Variants in MACF1 observed in about 807,000 individuals in gnomAD.
The protein encoded by MACF1 is microtubule-actin cross-linking factor 1.
Under a neutral mutation model 854.8 loss-of-function variants are expected in MACF1, and 193 were observed. The observed-to-expected ratio is 0.23, with a 90% confidence interval of 0.20 to 0.25. The LOEUF is 0.25. Among genes scored for constraint, MACF1 ranks in the 10% least tolerant of loss-of-function variants. The pLI, the probability that MACF1 is intolerant of heterozygous loss-of-function variation, is 1.00. For synonymous variants in MACF1, 3,185 were observed against 3,226.7 expected (o/e 0.99, Z 0.44); for missense variants, 7,722 against 8,929.1 (o/e 0.86, Z 5.45).
intron 2 of MACF1, among the ~76,000 whole-genome samples, chr1:39,135,855 G>A (rs905526938): frequency 3.9e-5 from 6 of 152,138 alleles, no homozygotes; most frequent in African/African-American, 1.2e-4. Context: ...CTCCTACTAT[G>A]AATGGGATTC....
chr1:39,252,239 G>T (rs2148335141), intron 4 of MACF1, among the ~76,000 whole-genome samples: 1 of 152,300 alleles, frequency 6.6e-6, no homozygotes, highest in Non-Finnish European at 1.5e-5. Context: ...CTTTCTGGTG[G>T]CCTTGCTGTG....
chr1:39,174,587 A>G (rs982232034), intron 2 of MACF1, among the ~76,000 whole-genome samples: 9 of 152,178 alleles, frequency 5.9e-5, no homozygotes, highest in African/African-American at 1.9e-4. Context: ...TGGACGCATC[A>G]TAGAGGCTCA....
chr1:39,277,072 A>AT (rs1015291008), intron 6 of MACF1, among the ~76,000 whole-genome samples: 1 of 151,600 alleles, frequency 6.6e-6, no homozygotes, highest in Non-Finnish European at 1.5e-5. Context: ...TAACATTAAA[A>AT]TTTTTTTTTG....
chr1:39,221,766 T>A (rs1241558298), intron 1 of MACF1, among the ~76,000 whole-genome samples: 4 of 152,184 alleles, frequency 2.6e-5, no homozygotes, highest in Non-Finnish European at 5.9e-5. Flanking sequence ...CTGCCCTAAT[T>A]CATGCTATTT....
At chr1:39,346,068 GAAA>G (rs547745127) in intron 40 of MACF1, among the ~76,000 whole-genome samples, 1 of 121,432 alleles carries the variant, frequency 8.2e-6, no homozygotes, top group African/African-American at 3.0e-5. Context: ...GACTCTGTTT[GAAA>G]AAAAAAAAAA....
chr1:39,322,991 C>T lies in MACF1; in HGVS notation c.4219C>T (p.Arg1407Cys), dbSNP rs772861362. 8.7e-6 allele frequency: 14 copies of T among 1,613,900 alleles called. No individual in the cohort carries two copies. The highest frequency in any genetic ancestry group is 4.5e-5 in the East Asian group (2 of 44,906). The change falls in exon 33 of 101, where the codon CGT becomes TGT. Residue 1407 changes from arginine (R) to cysteine (C), a missense_variant. By Grantham distance (180) the Arg-to-Cys change is radical (BLOSUM62 -3). Around this residue, in one of 15 missense-constraint regions of MACF1, gnomAD observed 1,137 missense variants for 1,263.0 expected, o/e 0.90. Transcript: ENST00000564288. Reference sequence around the variant, plus strand: ...GAAATACATCAGTGATGCACTCCGGCGTCTGGAGGAGGAGGAGGTGAGGAC... The same window carrying T: ...GAAATACATCAGTGATGCACTCCGGTGTCTGGAGGAGGAGGAGGTGAGGAC... Reference protein sequence around the residue: ...HVKYISDALRRLEEEEKVVEE... With the variant: ...HVKYISDALRCLEEEEKVVEE...
chr1:39,109,538 G>T (rs1642339071), intron 2 of MACF1, among the ~76,000 whole-genome samples: 1 of 151,786 alleles, frequency 6.6e-6, no homozygotes, highest in Non-Finnish European at 1.5e-5. Flanking sequence ...GCCTCCCAAA[G>T]TGCTGGGATT....
chr1:39,313,141 G>A (rs1440681502), intron 26 of MACF1, among the ~76,000 whole-genome samples: 2 of 151,988 alleles, frequency 1.3e-5, no homozygotes, highest in Non-Finnish European at 2.9e-5. Flanking sequence ...TCTGTTTGTG[G>A]TTACCTGAGG....
At chr1:39,322,544 T>G in intron 31 of MACF1, 64 bp from the exon 32 acceptor site, 1 of 1,351,974 alleles carries the variant, frequency 7.4e-7, no homozygotes, top group Non-Finnish European at 1.1e-6. Flanking sequence ...AGCTATGATT[T>G]ATTACATGAT....
chr1:39,330,008 T>C (rs1371190872), intron 36 of MACF1, among the ~76,000 whole-genome samples: 2 of 152,256 alleles, frequency 1.3e-5, no homozygotes, highest in East Asian at 1.9e-4. Flanking sequence ...ACAAGTTACC[T>C]AAACTCTGTG....
intron 58 of MACF1, chr1:39,412,770 C>T: frequency 1.2e-6 from 2 of 1,612,870 alleles, no homozygotes; most frequent in Admixed American, 1.7e-5. Flanking sequence ...AGAGACCTTC[C>T]CGGACTGCTG....
At chr1:39,456,101 AG>A (rs530863536) in intron 89 of MACF1, among the ~76,000 whole-genome samples, 1 of 152,196 alleles carries the variant, frequency 6.6e-6, no homozygotes, top group Non-Finnish European at 1.5e-5. Flanking sequence ...TGGGAGGCCA[AG>A]GGGGGCAGAT....
intron 1 of MACF1, among the ~76,000 whole-genome samples, chr1:39,227,047 G>A (rs1292723168): frequency 3.9e-5 from 6 of 152,238 alleles, no homozygotes; most frequent in African/African-American, 1.2e-4. Flanking sequence ...TGATACTGGC[G>A]TGTTGTGATT....
At chr1:39,238,116 G>C (rs1019649307) in intron 2 of MACF1, among the ~76,000 whole-genome samples, 1 of 152,212 alleles carries the variant, frequency 6.6e-6, no homozygotes, top group African/African-American at 2.4e-5. Context: ...GGAGCACCGA[G>C]CTTTGACTGC....
intron 20 of MACF1, among the ~76,000 whole-genome samples, chr1:39,296,784 G>GGAAGGA (rs1557571347): frequency 2.8e-5 from 2 of 71,586 alleles, no homozygotes; most frequent in East Asian, 4.7e-4. Context: ...AAGAAAGAAA[G>GGAAGGA]AAAGAAAGGA....
intron 93 of MACF1, among the ~76,000 whole-genome samples, chr1:39,463,213 G>A (rs1375234057): frequency 2.0e-5 from 3 of 152,160 alleles, no homozygotes; most frequent in Admixed American, 1.3e-4. Context: ...TGAGCTGTGC[G>A]TGGTGGCTCA....
intron 56 of MACF1, among the ~76,000 whole-genome samples, chr1:39,384,263 G>A (rs552547492): frequency 8.3e-4 from 127 of 152,142 alleles, no homozygotes; most frequent in African/African-American, 2.9e-3. Context: ...TCTGTGTTGC[G>A]TGTTCACATC....
At chr1:39,337,757 G>T (rs1335750669) in intron 38 of MACF1, among the ~76,000 whole-genome samples, 1 of 147,586 alleles carries the variant, frequency 6.8e-6, no homozygotes, top group East Asian at 2.0e-4. Flanking sequence ...TTTGTTTTTT[G>T]TGTTTTTTTG....
chr1:39,358,670 C>T (rs1647808395), intron 45 of MACF1, 27 bp from the exon 46 acceptor site: 1 of 1,610,838 alleles, frequency 6.2e-7, no homozygotes, highest in South Asian at 1.1e-5. Context: ...TTGCTTAAGT[C>T]TGCTTACCTT....
Sources: gnomAD v4.1 joint callset for allele counts (sites outside exome capture counted in the v4.1 genomes callset) on GRCh38, gnomAD v4.1.1 for gene constraint, gnomAD v4.1.1 regional missense constraint, MANE v1.5 for transcripts, NCBI Gene and HGNC (gene_info 2026-07-23, HGNC 2026-07-21) for gene names.